ZNF385D: variants seen among roughly 807,000 people sequenced by gnomAD.
The protein encoded by ZNF385D is zinc finger protein 385D, also known as zinc finger protein 659.
In ZNF385D, 15 loss-of-function variants were observed where a neutral mutation model predicts 35.8. That is an observed-to-expected ratio of 0.42 (90% CI 0.28 to 0.64). The LOEUF is 0.64. Ranked by LOEUF, ZNF385D falls within the 30% of genes least tolerant of loss-of-function variation. ZNF385D has a pLI of 0.23. For missense variants in ZNF385D, 474 were observed against 494.6 expected (o/e 0.96, Z 0.39); for synonymous variants, 212 against 186.8 (o/e 1.13, Z -1.10).
At chr3:21,940,175 A>C (rs1701446251) in intron 3 of ZNF385D, among the ~76,000 whole-genome samples, 1 of 152,120 alleles carries the variant, frequency 6.6e-6, no homozygotes. Context: ...GACGGTGTCT[A>C]CTGATATTTC....
intron 3 of ZNF385D, among the ~76,000 whole-genome samples, chr3:21,941,448 A>T (rs1410502298): frequency 6.6e-6 from 1 of 151,408 alleles, no homozygotes; most frequent in Non-Finnish European, 1.5e-5. Flanking sequence ...GTGATTAAGC[A>T]GGATGTTTTC....
At chr3:21,589,173 T>C (rs1157372448) in intron 2 of ZNF385D, among the ~76,000 whole-genome samples, 2 of 152,120 alleles carry the variant, frequency 1.3e-5, no homozygotes, top group Admixed American at 1.3e-4. Flanking sequence ...TGGCCATATG[T>C]GGCCTCACTG....
chr3:21,707,037 T>A (rs755087788), intron 1 of ZNF385D, among the ~76,000 whole-genome samples: 37 of 152,188 alleles, frequency 2.4e-4, no homozygotes, highest in Non-Finnish European at 1.2e-4. Flanking sequence ...TTCAGTAGCT[T>A]ACCTTTAATA....
At chr3:21,939,186 A>G (rs1430295769) in intron 3 of ZNF385D, among the ~76,000 whole-genome samples, 1 of 152,244 alleles carries the variant, frequency 6.6e-6, no homozygotes, top group Non-Finnish European at 1.5e-5. Flanking sequence ...CCACTGAAAT[A>G]CCAACTATGA....
chr3:22,104,079 A>T (rs1702080073), intron 3 of ZNF385D, among the ~76,000 whole-genome samples: 1 of 152,106 alleles, frequency 6.6e-6, no homozygotes, highest in Non-Finnish European at 1.5e-5. Context: ...CGTATGTGAG[A>T]ACTTGTTATC....
chr3:22,099,872 G>A (rs1378404209), intron 3 of ZNF385D, among the ~76,000 whole-genome samples: 3 of 151,724 alleles, frequency 2.0e-5, no homozygotes, highest in African/African-American at 4.8e-5. Flanking sequence ...AGAATGTATA[G>A]AATATTAGGC....
intron 3 of ZNF385D, among the ~76,000 whole-genome samples, chr3:21,899,641 C>T (rs1279388426): frequency 6.6e-6 from 1 of 152,060 alleles, no homozygotes; most frequent in Non-Finnish European, 1.5e-5. Flanking sequence ...CCTAACTGAA[C>T]CTTTTGTGGC....
At chr3:21,546,547 A>G (rs533811931) in intron 3 of ZNF385D, among the ~76,000 whole-genome samples, 89 of 152,066 alleles carry the variant, frequency 5.9e-4, no homozygotes, top group African/African-American at 2.1e-3. Context: ...TAAGGAGTCC[A>G]TGCAACCCCC....
At chr3:21,545,986 G>C (rs954382300) in intron 3 of ZNF385D, among the ~76,000 whole-genome samples, 1 of 152,124 alleles carries the variant, frequency 6.6e-6, no homozygotes, top group African/African-American at 2.4e-5. Context: ...AAAGGCCTTT[G>C]TAGAAATAAT....
chr3:21,722,266 A>C (rs2068574556), intron 1 of ZNF385D, among the ~76,000 whole-genome samples: 1 of 152,176 alleles, frequency 6.6e-6, no homozygotes, highest in African/African-American at 2.4e-5. Flanking sequence ...GGTTGAGTAA[A>C]ATAGCAAGCA....
chr3:21,919,280 A>G, intron 3 of ZNF385D, among the ~76,000 whole-genome samples: 1 of 152,204 alleles, frequency 6.6e-6, no homozygotes, highest in East Asian at 1.9e-4. Flanking sequence ...TGTAAAATAC[A>G]TGTTGCCTGG....
intron 2 of ZNF385D, among the ~76,000 whole-genome samples, chr3:21,664,677 G>A (rs185764063): frequency 4.4e-4 from 67 of 152,228 alleles, no homozygotes; most frequent in Middle Eastern, 3.4e-3. Flanking sequence ...CAACCGAATC[G>A]GATCGAATCT....
chr3:22,249,162 C>T (rs543876305), intron 2 of ZNF385D, among the ~76,000 whole-genome samples: 2 of 152,250 alleles, frequency 1.3e-5, no homozygotes, highest in South Asian at 4.1e-4. Context: ...CATTCTAAAT[C>T]CCATACCTGA....
Position 22,207,428 on chromosome 3 carries a change from C to T in ZNF385D, c.107-38393G>A, listed in dbSNP as rs150835311. Among the ~76,000 whole-genome samples, 232 of 151,994 alleles carry T rather than the reference C, an allele frequency of 1.5e-3. 1 individual carries two copies. The highest frequency in any genetic ancestry group is 5.2e-3 in the African/African-American group (216 of 41,514). Reference sequence around the variant, plus strand: ...CAAAGCCCCTATCTCCTGCCCTACACAAAAATCAAATCAAAATGGATTATA... The same window carrying T: ...CAAAGCCCCTATCTCCTGCCCTACATAAAAATCAAATCAAAATGGATTATA... On this transcript the variant is annotated intron_variant, in intron 2 of 5. Coordinates refer to the ZNF385D transcript ENST00000494108.
intron 2 of ZNF385D, among the ~76,000 whole-genome samples, chr3:21,595,525 A>G (rs1274831108): frequency 6.7e-6 from 1 of 150,292 alleles, no homozygotes; most frequent in Non-Finnish European, 1.5e-5. Context: ...AGATATATGT[A>G]TGTAATATAT....
chr3:21,639,051 T>C (rs1448351114), intron 2 of ZNF385D, among the ~76,000 whole-genome samples: 1 of 152,126 alleles, frequency 6.6e-6, no homozygotes, highest in African/African-American at 2.4e-5. Flanking sequence ...TAATTTGTTA[T>C]GTAATCCGAC....
intron 2 of ZNF385D, among the ~76,000 whole-genome samples, chr3:22,173,750 C>T (rs1050195782): frequency 3.3e-5 from 5 of 152,176 alleles, no homozygotes; most frequent in African/African-American, 7.2e-5. Context: ...TCTTACTTGC[C>T]GTATACAAAC....
At chr3:21,462,645 A>C (rs1165555554) in intron 4 of ZNF385D, among the ~76,000 whole-genome samples, 1 of 152,216 alleles carries the variant, frequency 6.6e-6, no homozygotes, top group Non-Finnish European at 1.5e-5. Context: ...AAGTTATACA[A>C]GGCAACAGTA....
chr3:21,787,304 C>T (rs2071729327), intron 3 of ZNF385D, among the ~76,000 whole-genome samples: 2 of 152,096 alleles, frequency 1.3e-5, no homozygotes, highest in South Asian at 4.1e-4. Flanking sequence ...TCTCCTCTTT[C>T]TCCAACTGAG....
Sources: allele counts gnomAD v4.1 joint callset (sites outside exome capture counted in the v4.1 genomes callset), GRCh38; gene constraint gnomAD v4.1.1; transcripts MANE v1.5; gene names NCBI Gene and HGNC (gene_info 2026-07-23, HGNC 2026-07-21).